Variants in VPS13B observed in about 807,000 individuals in gnomAD.
VPS13B encodes intermembrane lipid transfer protein VPS13B.
A neutral mutation model predicts 426.4 loss-of-function variants in VPS13B; 285 were observed. The ratio of observed to expected loss-of-function variants is 0.67; its 90% confidence interval spans 0.61 to 0.74. VPS13B has a LOEUF of 0.74. Among genes scored for constraint, VPS13B ranks in the 30% least tolerant of loss-of-function variants. VPS13B has a pLI of 0.00. For missense variants in VPS13B, 4,537 were observed against 4,782.6 expected (o/e 0.95, Z 1.51); for synonymous variants, 1,676 against 1,676.4 (o/e 1.00, Z 0.01).
intron 24 of VPS13B, among the ~76,000 whole-genome samples, chr8:99,481,124 T>C (rs551353916): frequency 6.6e-6 from 1 of 152,348 alleles, no homozygotes; most frequent in Non-Finnish European, 1.5e-5. Context: ...TGCCTTTTAC[T>C]GTTCAATGTT....
chr8:99,464,100 T>A (rs550609986), intron 23 of VPS13B, among the ~76,000 whole-genome samples: 6 of 152,202 alleles, frequency 3.9e-5, no homozygotes, highest in African/African-American at 1.4e-4. Context: ...TCGAGTGTTA[T>A]ACTCACAATA....
intron 30 of VPS13B, among the ~76,000 whole-genome samples, chr8:99,534,357 T>C (rs1823083084): frequency 6.6e-6 from 1 of 152,220 alleles, no homozygotes; most frequent in Admixed American, 6.5e-5. Context: ...TGAAATGTTT[T>C]TTAAATGTAT....
At chr8:99,144,470 CACA>C (rs1306892769) in intron 13 of VPS13B, among the ~76,000 whole-genome samples, 1 of 139,242 alleles carries the variant, frequency 7.2e-6, no homozygotes, top group Non-Finnish European at 1.5e-5. Context: ...GCCTGGCCAA[CACA>C]ACAAGACCCT....
chr8:99,678,680 C>T (rs1383938912), intron 35 of VPS13B, among the ~76,000 whole-genome samples: 1 of 152,006 alleles, frequency 6.6e-6, no homozygotes, highest in Non-Finnish European at 1.5e-5. Context: ...CATTGGTGCT[C>T]AATGCCTACA....
intron 51 of VPS13B, among the ~76,000 whole-genome samples, chr8:99,827,335 A>G (rs1219958940): frequency 2.6e-5 from 4 of 152,108 alleles, no homozygotes. Context: ...CATTTCTTCT[A>G]GATTTTCTAG....
At chr8:99,380,044 T>C (rs954809523) in intron 19 of VPS13B, among the ~76,000 whole-genome samples, 2 of 152,178 alleles carry the variant, frequency 1.3e-5, no homozygotes, top group African/African-American at 4.8e-5. Context: ...GGGAAAATTC[T>C]CTTTCTTACA....
intron 39 of VPS13B, among the ~76,000 whole-genome samples, chr8:99,728,559 G>A (rs2130388372): frequency 6.6e-6 from 1 of 152,272 alleles, no homozygotes; most frequent in South Asian, 2.1e-4. Context: ...GACAGACAAA[G>A]CCCTGTTTTC....
At chr8:99,377,381 A>T (rs1033452536) in intron 19 of VPS13B, among the ~76,000 whole-genome samples, 5 of 152,104 alleles carry the variant, frequency 3.3e-5, no homozygotes, top group Non-Finnish European at 5.9e-5. Context: ...TTATTTTTCA[A>T]TCTGGGCTTA....
At chr8:99,695,932 G>T (rs1831969601) in intron 35 of VPS13B, 1 of 152,160 alleles carries the variant, frequency 6.6e-6, no homozygotes, top group Non-Finnish European at 1.5e-5. Flanking sequence ...GAGAACTTCT[G>T]GGTAGTCCAC....
intron 25 of VPS13B, among the ~76,000 whole-genome samples, chr8:99,484,598 C>CA (rs1563754992): frequency 6.6e-6 from 1 of 152,032 alleles, no homozygotes; most frequent in Admixed American, 6.6e-5. Flanking sequence ...TGAATGAAAA[C>CA]AATGACTATG....
intron 19 of VPS13B, among the ~76,000 whole-genome samples, chr8:99,348,695 C>A (rs1811682641): frequency 6.6e-6 from 1 of 152,060 alleles, no homozygotes; most frequent in South Asian, 2.1e-4. Flanking sequence ...TAATAAAGTA[C>A]AATCATTACT....
At chr8:99,214,961 C>T (rs1042349591) in intron 17 of VPS13B, among the ~76,000 whole-genome samples, 11 of 151,986 alleles carry the variant, frequency 7.2e-5, no homozygotes, top group African/African-American at 2.2e-4. Context: ...TCTGCAATGC[C>T]CATGTCTCTC....
chr8:99,083,905 G>A (rs1471168803), intron 3 of VPS13B, among the ~76,000 whole-genome samples: 1 of 148,114 alleles, frequency 6.8e-6, no homozygotes, highest in Non-Finnish European at 1.5e-5. Flanking sequence ...CAGGGATATT[G>A]GTCTAAAATT....
At chr8:99,540,016 TATATATATATATATATATATATATA>T (rs1588475742) in intron 30 of VPS13B, among the ~76,000 whole-genome samples, 3 of 1,112 alleles carry the variant, frequency 2.7e-3, no homozygotes, top group Admixed American at 0.012. Flanking sequence ...AAATAAATTA[TATATATATATATATATATATATATA>T]TATATATATA....
At chr8:99,687,010 C>T (rs540269864) in intron 35 of VPS13B, among the ~76,000 whole-genome samples, 40 of 152,130 alleles carry the variant, frequency 2.6e-4, no homozygotes, top group African/African-American at 9.4e-4. Context: ...ACCCAGGGCC[C>T]ATGGTGAGTA....
intron 5 of VPS13B, among the ~76,000 whole-genome samples, chr8:99,108,487 C>T (rs996440513): frequency 5.9e-5 from 9 of 152,210 alleles, no homozygotes; most frequent in Middle Eastern, 3.4e-3. Context: ...GTTTGTTCTT[C>T]TGCATATAGA....
At chr8:99,871,380 A>T (rs1393481021) in intron 60 of VPS13B, 68 bp from the exon 61 acceptor site, 1 of 1,611,088 alleles carries the variant, frequency 6.2e-7, no homozygotes, top group Non-Finnish European at 8.5e-7. Flanking sequence ...ATTGGTAAAT[A>T]ATGAGCACTG....
chr8:99,511,058 A>G lies in VPS13B; in HGVS notation c.4225-46A>G, dbSNP rs765943668. 5.0e-6 allele frequency: 8 copies of G among 1,601,678 alleles called. No individual in the cohort carries two copies. In the East Asian group the frequency reaches 8.9e-5, roughly 18 times the overall value. On this transcript the variant is annotated intron_variant, in intron 28 of 61. Coordinates refer to ENST00000357162, the MANE Select transcript of VPS13B (RefSeq NM_152564.5). ...TTCTTCTTTCCAATTTTTAAAAAAAATCTTTTTAATGAACTGTGTATTGTG... is the reference window on the plus strand; with the variant it reads ...TTCTTCTTTCCAATTTTTAAAAAAAGTCTTTTTAATGAACTGTGTATTGTG...
At chr8:99,263,455 T>G (rs1168065340) in intron 17 of VPS13B, among the ~76,000 whole-genome samples, 3 of 152,222 alleles carry the variant, frequency 2.0e-5, no homozygotes, top group Non-Finnish European at 4.4e-5. Flanking sequence ...TTTAGAAGAC[T>G]GAAATGGGTC....
Sources: allele counts gnomAD v4.1 joint callset (sites outside exome capture counted in the v4.1 genomes callset), GRCh38; gene constraint gnomAD v4.1.1; transcripts MANE v1.5; gene names NCBI Gene and HGNC (gene_info 2026-07-23, HGNC 2026-07-21).